Variants in MCM3 observed in about 807,000 individuals in gnomAD.
MCM3 encodes the protein minichromosome maintenance complex component 3.
In MCM3, 59 loss-of-function variants were observed where a neutral mutation model predicts 91.3. The observed-to-expected ratio is 0.65, with a 90% CI of 0.52 to 0.80. The LOEUF is 0.80. Ranked by LOEUF, MCM3 falls within the 30% of genes least tolerant of loss-of-function variation. The probability of loss-of-function intolerance (pLI) is 0.00; values close to 1 mark genes in which losing one functional copy is unlikely to be tolerated. For missense variants in MCM3, 919 were observed against 1,035.4 expected (o/e 0.89, Z 1.54); for synonymous variants, 383 against 379.6 (o/e 1.01, Z -0.10).
chr6:52,283,176 G>C, intron 2 of MCM3, 118 bp downstream of exon 2: 1 of 784,724 alleles, frequency 1.3e-6, no homozygotes, highest in Admixed American at 2.7e-5. Context: ...GGTGAGCTAC[G>C]AGGGCTTGTA....
intron 14 of MCM3, among the ~76,000 whole-genome samples, chr6:52,267,039 G>A (rs1764691627): frequency 6.6e-6 from 1 of 151,440 alleles, no homozygotes; most frequent in South Asian, 2.1e-4. Flanking sequence ...CTTCAGTAGA[G>A]GGGTCAAAAG....
chr6:52,283,525 G>A (rs1417234774), intron 1 of MCM3, 119 bp from the exon 2 acceptor site: 13 of 724,218 alleles, frequency 1.8e-5, no homozygotes, highest in Non-Finnish European at 3.0e-5. Flanking sequence ...TGAATCCCCA[G>A]TAAGTATGTG....
chr6:52,271,409 A>C (rs989898565), intron 12 of MCM3, among the ~76,000 whole-genome samples: 9 of 152,072 alleles, frequency 5.9e-5, no homozygotes, highest in African/African-American at 2.2e-4. Context: ...TTGGGAGGCC[A>C]AGCCGGGCGG....
chr6:52,281,973 C>T, intron 4 of MCM3, 72 bp downstream of exon 4: 1 of 1,504,108 alleles, frequency 6.6e-7, no homozygotes, highest in Non-Finnish European at 9.0e-7. Flanking sequence ...AGATATTACA[C>T]AATTCCTTGC....
In MCM3 at chr6:52,266,665, C is replaced by T; in HGVS notation, c.2104G>A (p.Gly702Arg). ...RKTRQPDAKD[G>R]DSYDPYDFSD... ...AAGTCATAGGGGTCGTATGAATCCC[C>T]ATCTTTGGCATCTGGCTGGCGAGTC... The change falls in exon 15 of 17, where the codon GGG becomes AGG. Residue 702 changes from glycine (G) to arginine (R), a missense_variant. Gly to Arg is a moderately radical substitution (Grantham distance 125, BLOSUM62 -2). Around this residue, in one of 3 missense-constraint regions of MCM3, gnomAD observed 285 missense variants for 311.4 expected, o/e 0.92. Transcript: ENST00000596288. 3.1e-6 allele frequency: 5 copies of T among 1,614,158 alleles called. No individual in the cohort carries two copies. The highest frequency in any genetic ancestry group is 4.2e-6 in the Non-Finnish European group (5 of 1,180,016).
Position 52,268,083 on chromosome 6 carries a change from G to T in MCM3, c.1969-115C>A, listed in dbSNP as rs1764792516. ...CAGGAAAGACTTCCATGTTTCCAAT[G>T]GTTTACCTAGCTCCTCTTGTCCCTA... On this transcript the variant is annotated intron_variant, in intron 13 of 16. Transcript: ENST00000596288. 6.4e-6 allele frequency: 9 copies of T among 1,405,010 alleles called. No individual in the cohort carries two copies. The South Asian group carries it at 8.4e-5, about 13-fold the overall frequency. The allele number at this position is 1,405,010 out of a possible 1,614,324, so 87.0% of individuals were successfully genotyped here.
rs6925236 is a variant in MCM3 at position 52,265,972 on chromosome 6, T to C, written c.2228+103A>G. On this transcript the variant is annotated intron_variant, in intron 16 of 16. Transcript: ENST00000596288. ...TGCAGGCCTCTAGTTTTGAGTTCTA[T>C]TGATGACCAGCAGTTTGTTTCCCAC... is the stretch of plus-strand genomic sequence containing the variant. The C allele has an allele frequency of 1.8e-3, 1,639 of 903,738 alleles. 12 individuals carry two copies. The African/African-American group carries it at 0.024, about 13-fold the overall frequency. 56.0% of individuals were successfully genotyped at this position (903,738 alleles called of 1,614,324 possible). A position where few individuals can be genotyped will look rare whatever the true frequency, so the allele number is the denominator to read the frequency against.
intron 7 of MCM3, 115 bp downstream of exon 7, chr6:52,277,420 G>A: frequency 1.8e-6 from 2 of 1,131,442 alleles, no homozygotes; most frequent in Non-Finnish European, 2.5e-6. Flanking sequence ...TTAGCCTTTT[G>A]TCCTTTGATA....
At chr6:52,279,308 C>T in intron 5 of MCM3, 53 bp downstream of exon 5, 5 of 1,457,992 alleles carry the variant, frequency 3.4e-6, no homozygotes, top group Non-Finnish European at 2.9e-6. Context: ...AGGATATTAC[C>T]AGAAATGGAA....
In MCM3 at chr6:52,278,879, C is replaced by T. The variant is rs533817243; in HGVS notation, c.771-29G>A. 2.3e-5 allele frequency: 35 copies of T among 1,504,888 alleles called. No individual in the cohort carries two copies. In the African/African-American group the frequency reaches 2.5e-4, roughly 11 times the overall value. The allele number at this position is 1,504,888 out of a possible 1,614,324, so 93.2% of individuals were successfully genotyped here. On this transcript the variant is annotated intron_variant, in intron 5 of 16. Coordinates refer to ENST00000596288, the MANE Select transcript of MCM3 (RefSeq NM_002388.6). ...GGACAAACAGAATAAAGAGGAAACC[C>T]GTTATATTCAATTCCTAACATCAGT...
In MCM3 at chr6:52,273,220, G is replaced by C. The variant is rs746711435; in HGVS notation, c.1676+10C>G. The C allele has an allele frequency of 1.4e-5, 22 of 1,614,116 alleles. No homozygotes were observed. The East Asian group carries it at 2.5e-4, about 18-fold the overall frequency. The stretch of plus-strand genomic sequence containing the variant: ...AGGTTCCCTTGAGGAAGAGTTATGA[G>C]AATGCTCACTTTTTCTTCTTGGTCC... On this transcript the variant is annotated intron_variant, in intron 11 of 16. Coordinates refer to ENST00000596288, the MANE Select transcript of MCM3 (RefSeq NM_002388.6).
At chr6:52,266,270 G>C in intron 15 of MCM3, 126 bp from the exon 16 acceptor site, 1 of 729,992 alleles carries the variant, frequency 1.4e-6, no homozygotes, top group South Asian at 1.6e-5. Context: ...CTATTTCCTA[G>C]GGTTCTTATG....
chr6:52,278,837 C>T lies in MCM3; in HGVS notation c.784G>A (p.Ala262Thr), dbSNP rs767613351. ...TSGTFRTVLIACNVKQMSKDA... is the reference protein window; with the variant it reads ...TSGTFRTVLITCNVKQMSKDA... ...TTGCTCATCTGCTTAACATTACAGGCAATCAGGACAGTCCTGGGACAAACA... is the reference window on the plus strand; with the variant it reads ...TTGCTCATCTGCTTAACATTACAGGTAATCAGGACAGTCCTGGGACAAACA... The change falls in exon 6 of 17, where the codon GCC becomes ACC. Residue 262 changes from alanine (A) to threonine (T), a missense_variant. Ala to Thr is a moderately conservative substitution (Grantham distance 58, BLOSUM62 0). Transcript: ENST00000596288. 6.2e-7 allele frequency: 1 copy of T among 1,611,962 alleles called. No homozygotes were observed. The highest frequency in any genetic ancestry group is 8.5e-7 in the Non-Finnish European group (1 of 1,178,200).
intron 6 of MCM3, among the ~76,000 whole-genome samples, 199 bp from the exon 7 acceptor site, chr6:52,277,887 T>C (rs534230757): frequency 8.8e-4 from 134 of 151,646 alleles, no homozygotes; most frequent in African/African-American, 2.9e-3. Flanking sequence ...GCCAACATGG[T>C]GAAACCCCAT....
At chr6:52,279,879 AGT>A (rs1765924699) in intron 4 of MCM3, among the ~76,000 whole-genome samples, 1 of 152,240 alleles carries the variant, frequency 6.6e-6, no homozygotes, top group Admixed American at 6.5e-5. Flanking sequence ...ATTCTGAAGC[AGT>A]TTTTCCACTC....
chr6:52,266,610 C>T lies in MCM3; in HGVS notation c.2158+1G>A. ...TTTCATCAGTAAGTGGGCTCACTCA[C>T]CTTGAGGCATTTCCTCCTCTGTGTC... On this transcript the variant is annotated splice_donor_variant, in intron 15 of 16. Transcript: ENST00000596288. LOFTEE classifies it high-confidence loss of function. 1 of 1,613,808 alleles carries T rather than the reference C, an allele frequency of 6.2e-7. No homozygotes were observed. The highest frequency in any genetic ancestry group is 8.5e-7 in the Non-Finnish European group (1 of 1,179,710).
chr6:52,267,071 CCTT>C (rs1764694180), intron 14 of MCM3, among the ~76,000 whole-genome samples: 1 of 147,768 alleles, frequency 6.8e-6, no homozygotes, highest in Non-Finnish European at 1.5e-5. Context: ...GACTCGCTCT[CCTT>C]CTCTTTTACC....
intron 16 of MCM3, 93 bp downstream of exon 16, chr6:52,265,982 G>C (rs1764613968): frequency 1.0e-6 from 1 of 1,001,594 alleles, no homozygotes; most frequent in Non-Finnish European, 1.6e-6. Context: ...TTGATGACCA[G>C]CAGTTTGTTT....
intron 9 of MCM3, 122 bp downstream of exon 9, chr6:52,276,146 G>A (rs1267446099): frequency 2.5e-6 from 2 of 816,028 alleles, no homozygotes; most frequent in Middle Eastern, 3.7e-4. Context: ...ACAAGAAAAT[G>A]GCCTTACTTT....
Sources: gnomAD v4.1 joint callset for allele counts (sites outside exome capture counted in the v4.1 genomes callset) on GRCh38, gnomAD v4.1.1 for gene constraint, gnomAD v4.1.1 regional missense constraint, MANE v1.5 for transcripts, NCBI Gene and HGNC (gene_info 2026-07-23, HGNC 2026-07-21) for gene names.